Variants in ANKRD35 observed in about 807,000 individuals in gnomAD.
ANKRD35 encodes the protein ankyrin repeat domain 35.
Under a neutral mutation model 109.9 loss-of-function variants are expected in ANKRD35, and 102 were observed. That is an observed-to-expected ratio of 0.93 (90% CI 0.79 to 1.09). The LOEUF is 1.09. ANKRD35 is among the 50% of genes least tolerant of loss of function. The pLI, the probability that ANKRD35 is intolerant of heterozygous loss-of-function variation, is 0.00. For missense variants in ANKRD35, 1,240 were observed against 1,230.1 expected, an observed-to-expected ratio of 1.01 and a Z score of -0.12; for synonymous variants, 515 against 512.4, an observed-to-expected ratio of 1.01 and a Z score of -0.07.
intron 1 of ANKRD35, among the ~76,000 whole-genome samples, chr1:145,879,834 T>C (rs377102758): frequency 2.4e-4 from 37 of 151,812 alleles, no homozygotes; most frequent in African/African-American, 8.2e-4. Flanking sequence ...CCTGAAACCC[T>C]GCTGCTCTGC....
Position 145,872,058 on chromosome 1 carries a change from T to G in ANKRD35, c.2711A>C (p.Gln904Pro), listed in dbSNP as rs782452089. 6.2e-7 allele frequency: 1 copy of G among 1,613,686 alleles called. No homozygotes were observed. The highest frequency in any genetic ancestry group is 1.3e-5 in the African/African-American group (1 of 75,054). Residue 904 changes from glutamine (Q) to proline (P), a missense_variant, in exon 10 of 14, where the codon CAG becomes CCG. Coordinates refer to ENST00000355594, the MANE Select transcript of ANKRD35 (RefSeq NM_144698.5). ...QASEMRGRSE[Q>P]FEKTAELLKE... The stretch of plus-strand genomic sequence containing the variant: ...CAGCAGCTCTGCCGTTTTCTCAAAC[T>G]GCTCGGAGCGCCCCCGCATCTCGCT...
Position 145,878,459 on chromosome 1 carries a change from T to C in ANKRD35, c.191A>G (p.Lys64Arg). Residue 64 changes from lysine (K) to arginine (R), a missense_variant, in exon 3 of 14, where the codon AAA (lysine) becomes AGA (arginine). Physicochemically the swap from Lys to Arg is conservative, Grantham distance 26 (BLOSUM62 2). Coordinates refer to ENST00000355594, the MANE Select transcript of ANKRD35 (RefSeq NM_144698.5). ...GQSPFHLAAS[K>R]GLTECLTILL... ...GATAGTCAGACATTCTGTCAGGCCT[T>C]TGGAGGCTGCCAGATGAAACCTGCC... 1 of 1,570,030 alleles carries C rather than the reference T, an allele frequency of 6.4e-7. No homozygotes were observed. The highest frequency in any genetic ancestry group is 8.6e-7 in the Non-Finnish European group (1 of 1,156,464).
rs1654149692 is a variant in ANKRD35 at position 145,878,083 on chromosome 1, A to G, written c.260-51T>C. On this transcript the variant is annotated intron_variant, in intron 3 of 13. Transcript: ENST00000355594. ...AGGGTAGGTGGCCCCATGCATGCTG[A>G]TGACTCACAGGGAGGGAAGGCAAGA... 2.0e-6 allele frequency: 3 copies of G among 1,526,792 alleles called. No homozygotes were observed. The East Asian group carries it at 6.7e-5, about 34-fold the overall frequency. The allele number at this position is 1,526,792 out of a possible 1,614,324, so 94.6% of individuals were successfully genotyped here.
At chr1:145,869,081 C>G (rs1337005912) in intron 10 of ANKRD35, among the ~76,000 whole-genome samples, 1 of 151,498 alleles carries the variant, frequency 6.6e-6, no homozygotes, top group Non-Finnish European at 1.5e-5. Context: ...AAGCTGCTAT[C>G]CAATATGATA....
intron 1 of ANKRD35, among the ~76,000 whole-genome samples, chr1:145,879,966 GA>G (rs1305426334): frequency 6.6e-6 from 1 of 152,164 alleles, no homozygotes; most frequent in Non-Finnish European, 1.5e-5. Context: ...GTTAAAAGAG[GA>G]AACTAGAGTT....
intron 1 of ANKRD35, 100 bp from the exon 2 acceptor site, chr1:145,879,488 A>T: frequency 7.8e-7 from 1 of 1,289,124 alleles, no homozygotes; most frequent in Non-Finnish European, 1.0e-6. Flanking sequence ...GAAAAGGAAC[A>T]TCCCTTTTTC....
At position 145,872,303 on chromosome 1, in the gene ANKRD35, A is replaced by T; in HGVS notation, c.2466T>A (p.Ala822=). ...QLLYQATEEV[A]ELRAREAASL... ...TGGCTGCCTCCCGGGCCCTTAGCTC[A>T]GCCACTTCCTCTGTGGCTTGGTAGA... Residue 822 remains alanine (A), a synonymous_variant, in exon 10 of 14, where the codon GCT becomes GCA. Coordinates refer to ENST00000355594, the MANE Select transcript of ANKRD35 (RefSeq NM_144698.5). 6.2e-7 allele frequency: 1 copy of T among 1,612,834 alleles called. No homozygotes were observed. Among genetic ancestry groups the T allele is most frequent in the African/African-American group, 1.3e-5 (1 of 74,998 alleles).
At position 145,873,687 on chromosome 1, in the gene ANKRD35, C is replaced by G. The variant is rs782613494; in HGVS notation, c.1082G>C (p.Ser361Thr). 2 of 1,614,168 alleles carry G rather than the reference C, an allele frequency of 1.2e-6. No homozygotes were observed. The highest frequency in any genetic ancestry group is 2.2e-5 in the East Asian group (1 of 44,882). Residue 361 changes from serine to threonine, a missense_variant, in exon 10 of 14, where the codon AGT becomes ACT. Transcript: ENST00000355594. ...CATGCCATCCCCTCCAGGCCGGAGA[C>G]TAGAGCCTTGCTTTCCTGAAGCTCT... ...EPRASGKQGS[S>T]LRPGGDGMEQ... is the part of the protein sequence containing the mutation.
intron 3 of ANKRD35, 120 bp from the exon 4 acceptor site, chr1:145,878,152 A>T (rs765846063): frequency 7.2e-5 from 76 of 1,054,054 alleles, no homozygotes; most frequent in Non-Finnish European, 9.3e-5. Context: ...GCTTTCAGCC[A>T]CACGGGGCCA....
rs1553739364 is a variant in ANKRD35, at chr1:145,873,457, T to C, written c.1312A>G (p.Lys438Glu). ...GTAGTCAGTTGCTGTCCTGTGGCTT[T>C]CCTGATGGTCTCAGACGCTGGGCTC... ...PQSPASETIR[K>E]ATGQQLTTNG... The change falls in exon 10 of 14, where the codon AAA becomes GAA. Residue 438 changes from lysine (K) to glutamate (E), a missense_variant. Lys to Glu is a moderately conservative substitution (Grantham distance 56, BLOSUM62 1). Transcript: ENST00000355594. 1 of 1,613,954 alleles carries C rather than the reference T, an allele frequency of 6.2e-7. No homozygotes were observed. The highest frequency in any genetic ancestry group is 8.5e-7 in the Non-Finnish European group (1 of 1,179,936).
At chr1:145,867,422 G>T in intron 12 of ANKRD35, 30 bp from the exon 13 acceptor site, 1 of 1,599,986 alleles carries the variant, frequency 6.3e-7, no homozygotes, top group South Asian at 1.1e-5. Flanking sequence ...AAGAAAAGGA[G>T]ATGAAGAACA....
chr1:145,876,054 AACAC>A (rs374630197), intron 7 of ANKRD35, 82 bp downstream of exon 7: 113 of 1,110,250 alleles, frequency 1.0e-4, no homozygotes, highest in Non-Finnish European at 1.2e-4. Flanking sequence ...AACACACACA[AACAC>A]ACACACACAC....
intron 1 of ANKRD35, among the ~76,000 whole-genome samples, chr1:145,882,462 A>ATTTTTTTTTTTTTTTTTTT (rs781961496): frequency 2.9e-5 from 4 of 140,226 alleles, no homozygotes; most frequent in African/African-American, 8.1e-5. Flanking sequence ...CACCCAGGTA[A>ATTTTTTTTTTTTTTTTTTT]TTTTTTTTTT....
In ANKRD35 at chr1:145,873,487, G is replaced by A. The variant is rs6670984; in HGVS notation, c.1282C>T (p.Pro428Ser). 0.4 allele frequency: 640,089 copies of A among 1,613,780 alleles called. 134,498 individuals carry two copies. Among genetic ancestry groups the A allele is most frequent in the East Asian group, 0.75 (33,473 of 44,850 alleles). Residue 428 changes from proline (P) to serine (S), a missense_variant, in exon 10 of 14, where the codon CCC (proline) becomes TCC (serine). Physicochemically the swap from Pro to Ser is moderately conservative, Grantham distance 74 (BLOSUM62 -1). Transcript: ENST00000355594. ...GRSQPEEQGP[P>S]QSPASETIRK... The stretch of plus-strand genomic sequence containing the variant: ...ATGGTCTCAGACGCTGGGCTCTGGG[G>A]TGGCCCCTGTTCTTCTGGTTGGGAC...
rs782098028 is a variant in ANKRD35 at position 145,878,004 on chromosome 1, G to A, written c.288C>T (p.Ile96=). ...DGSTALHLAT[I]SCQPQCVKVL... ...CCTTAACACACTGTGGCTGGCAGGAGATGGTGGCCAAGTGTAGGGCAGTGC... is the reference window on the plus strand; with the variant it reads ...CCTTAACACACTGTGGCTGGCAGGAAATGGTGGCCAAGTGTAGGGCAGTGC... Residue 96 remains isoleucine (I), a synonymous_variant, in exon 4 of 14, where the codon ATC becomes ATT. Coordinates refer to ENST00000355594, the MANE Select transcript of ANKRD35 (RefSeq NM_144698.5). 37 of 1,614,154 alleles carry A rather than the reference G, an allele frequency of 2.3e-5. No individual in the cohort carries two copies. In the South Asian group the frequency reaches 3.8e-4, roughly 17 times the overall value.
At chr1:145,867,567 C>T (rs766175206) in intron 12 of ANKRD35, among the ~76,000 whole-genome samples, 175 bp from the exon 13 acceptor site, 58 of 152,138 alleles carry the variant, frequency 3.8e-4, no homozygotes, top group Non-Finnish European at 5.1e-4. Context: ...ATAATGATGT[C>T]TACTTTTCAG....
chr1:145,878,805 A>G (rs587735689), intron 2 of ANKRD35, among the ~76,000 whole-genome samples: 1 of 152,342 alleles, frequency 6.6e-6, no homozygotes, highest in Admixed American at 6.5e-5. Context: ...AGAGTCAGCC[A>G]GAGCAGAGTG....
In ANKRD35 at chr1:145,873,274, G is replaced by C. The variant is rs1553739288; in HGVS notation, c.1495C>G (p.Leu499Val). The stretch of plus-strand genomic sequence containing the variant: ...TCCTTTTCTCGCCACACTGCAGCAA[G>C]CTCCTCCCTTAGTTGAAGCAGAAGC... ...NQLLLQLREE[L>V]AAVWREKDAA... Residue 499 changes from leucine to valine, a missense_variant, in exon 10 of 14, where the codon CTT becomes GTT. Leu to Val is a conservative substitution (Grantham distance 32). Transcript: ENST00000355594. The C allele has an allele frequency of 1.2e-6, 2 of 1,614,132 alleles. No homozygotes were observed. The highest frequency in any genetic ancestry group is 2.2e-5 in the South Asian group (2 of 91,090).
At chr1:145,877,884 T>G in intron 4 of ANKRD35, 84 bp downstream of exon 4, 1 of 1,390,978 alleles carries the variant, frequency 7.2e-7, no homozygotes, top group Non-Finnish European at 1.0e-6. Context: ...TGGCCAACTA[T>G]TCCTTTTAAG....
Sources: gnomAD v4.1 joint callset for allele counts (sites outside exome capture counted in the v4.1 genomes callset) on GRCh38, gnomAD v4.1.1 for gene constraint, MANE v1.5 for transcripts, NCBI Gene and HGNC (gene_info 2026-07-23, HGNC 2026-07-21) for gene names.